The following CACNA2D1 variants were observed in gnomAD, a reference collection of about 807,000 sequenced individuals.
The protein encoded by CACNA2D1 is calcium voltage-gated channel auxiliary subunit alpha2delta 1.
Under a neutral mutation model 171.5 loss-of-function variants are expected in CACNA2D1, and 53 were observed. The observed-to-expected ratio is 0.31, with a 90% CI of 0.25 to 0.39. The LOEUF (loss-of-function observed/expected upper bound fraction) is 0.39. Among genes scored for constraint, CACNA2D1 ranks in the 10% least tolerant of loss-of-function variants. The probability of loss-of-function intolerance (pLI) is 1.00; values close to 1 mark genes in which losing one functional copy is unlikely to be tolerated. For synonymous variants in CACNA2D1, 442 were observed against 443.1 expected (o/e 1.00, Z 0.03); for missense variants, 903 against 1,299.8 (o/e 0.69, Z 4.69).
chr7:82,047,358 T>C (rs114545952), intron 10 of CACNA2D1, among the ~76,000 whole-genome samples: 1,788 of 152,240 alleles, frequency 0.012, 29 homozygotes, highest in African/African-American at 0.041. Flanking sequence ...ATGACCAATA[T>C]GTACAATATT....
At chr7:82,427,302 G>C (rs911489907) in intron 1 of CACNA2D1, among the ~76,000 whole-genome samples, 24 of 152,314 alleles carry the variant, frequency 1.6e-4, no homozygotes, top group Middle Eastern at 3.4e-3. Context: ...CTTTTCAGGA[G>C]CATAACCACA....
intron 1 of CACNA2D1, among the ~76,000 whole-genome samples, chr7:82,381,173 C>T (rs1201352214): frequency 1.3e-5 from 2 of 151,710 alleles, no homozygotes; most frequent in African/African-American, 2.4e-5. Context: ...AATTAACTGG[C>T]CGTGGTGGCG....
At chr7:82,132,793 A>G (rs892042317) in intron 5 of CACNA2D1, among the ~76,000 whole-genome samples, 2 of 152,248 alleles carry the variant, frequency 1.3e-5, no homozygotes, top group African/African-American at 4.8e-5. Context: ...ACAAACTGAT[A>G]TACTAATCAA....
intron 6 of CACNA2D1, among the ~76,000 whole-genome samples, chr7:82,116,024 C>T (rs1342013621): frequency 6.6e-6 from 1 of 152,174 alleles, no homozygotes; most frequent in Non-Finnish European, 1.5e-5. Context: ...CACAGGTAGT[C>T]TGGTTCCAGA....
At chr7:82,097,521 A>G (rs771765834) in intron 6 of CACNA2D1, among the ~76,000 whole-genome samples, 6 of 152,134 alleles carry the variant, frequency 3.9e-5, no homozygotes, top group Admixed American at 6.5e-5. Context: ...AACAGGAAGC[A>G]TGGTTTTCTG....
chr7:82,197,272 T>C (rs1489134830), intron 3 of CACNA2D1, among the ~76,000 whole-genome samples: 1 of 152,024 alleles, frequency 6.6e-6, no homozygotes, highest in Non-Finnish European at 1.5e-5. Context: ...ATTTATGAGA[T>C]GAATAGGAAC....
chr7:82,396,867 T>G (rs1275695463), intron 1 of CACNA2D1, among the ~76,000 whole-genome samples: 1 of 152,224 alleles, frequency 6.6e-6, no homozygotes, highest in East Asian at 1.9e-4. Flanking sequence ...TGAAAAGAAC[T>G]AAGGTTCCTT....
At chr7:82,288,144 GTTTTTTA>G (rs1039665396) in intron 3 of CACNA2D1, among the ~76,000 whole-genome samples, 1 of 151,746 alleles carries the variant, frequency 6.6e-6, no homozygotes, top group African/African-American at 2.4e-5. Context: ...CCGGCCCCAA[GTTTTTTA>G]TATAAAGGTC....
chr7:82,324,945 G>C (rs528866997), intron 3 of CACNA2D1, among the ~76,000 whole-genome samples: 4 of 152,178 alleles, frequency 2.6e-5, no homozygotes, highest in Admixed American at 6.5e-5. Context: ...AGGTGTAAAG[G>C]GCTACAAGCA....
chr7:82,256,170 T>C (rs891161422), intron 3 of CACNA2D1, among the ~76,000 whole-genome samples: 2 of 152,026 alleles, frequency 1.3e-5, no homozygotes, highest in Non-Finnish European at 2.9e-5. Flanking sequence ...TAGCCGGGCA[T>C]GGCGGTGGGG....
chr7:82,128,120 G>C (rs1790549571), intron 5 of CACNA2D1, among the ~76,000 whole-genome samples: 1 of 150,660 alleles, frequency 6.6e-6, no homozygotes, highest in Non-Finnish European at 1.5e-5. Flanking sequence ...TGTAGAGACA[G>C]GGTGTCACCA....
intron 3 of CACNA2D1, among the ~76,000 whole-genome samples, chr7:82,195,773 CAG>C (rs1179599300): frequency 6.6e-6 from 1 of 151,902 alleles, no homozygotes; most frequent in Admixed American, 6.6e-5. Context: ...ATCTGCACCA[CAG>C]AGTCATAGCT....
At chr7:82,065,013 T>C (rs17820129) in intron 8 of CACNA2D1, among the ~76,000 whole-genome samples, 3,606 of 152,234 alleles carry the variant, frequency 0.024, 60 homozygotes, top group Non-Finnish European at 0.039. Context: ...AGAGAGATCA[T>C]CTTGATTGTG....
chr7:82,150,375 T>G (rs1584930216), intron 4 of CACNA2D1, among the ~76,000 whole-genome samples: 1 of 148,810 alleles, frequency 6.7e-6, no homozygotes, highest in South Asian at 2.1e-4. Flanking sequence ...CCAACAGAAC[T>G]TAAAGAGCCA....
At chr7:82,078,893 G>C (rs1261509031) in intron 7 of CACNA2D1, among the ~76,000 whole-genome samples, 1 of 150,384 alleles carries the variant, frequency 6.6e-6, no homozygotes, top group Non-Finnish European at 1.5e-5. Flanking sequence ...AGAAGAAAGA[G>C]GGTGGAGAAA....
intron 3 of CACNA2D1, among the ~76,000 whole-genome samples, chr7:82,226,056 A>T (rs1223752903): frequency 6.6e-6 from 1 of 152,206 alleles, no homozygotes; most frequent in Non-Finnish European, 1.5e-5. Flanking sequence ...TCAAATAGGA[A>T]ATCATTTAAA....
intron 3 of CACNA2D1, among the ~76,000 whole-genome samples, chr7:82,298,785 G>A (rs747844485): frequency 2.0e-5 from 3 of 151,952 alleles, no homozygotes; most frequent in South Asian, 2.1e-4. Context: ...AAAATAGGCC[G>A]GGCACAGTGG....
intron 3 of CACNA2D1, among the ~76,000 whole-genome samples, chr7:82,237,247 T>A (rs958659315): frequency 6.6e-5 from 9 of 136,982 alleles, no homozygotes; most frequent in Non-Finnish European, 1.0e-4. Flanking sequence ...ACTAAACTAA[T>A]GATAATCATT....
chr7:82,244,196 A>C (rs973043587), intron 3 of CACNA2D1, among the ~76,000 whole-genome samples: 1 of 152,084 alleles, frequency 6.6e-6, no homozygotes, highest in Non-Finnish European at 1.5e-5. Context: ...TAAAATTTTC[A>C]TTTTAATCTC....
Sources: gnomAD v4.1 joint callset for allele counts (sites outside exome capture counted in the v4.1 genomes callset) on GRCh38, gnomAD v4.1.1 for gene constraint, MANE v1.5 for transcripts, NCBI Gene and HGNC (gene_info 2026-07-23, HGNC 2026-07-21) for gene names.